The following PTPRK variants were observed in gnomAD, a reference collection of about 807,000 sequenced individuals.
PTPRK encodes the protein receptor-type tyrosine-protein phosphatase kappa.
PTPRK carries 75 observed loss-of-function variants against 178.0 expected under a neutral mutation model. That is an observed-to-expected ratio of 0.42 (90% CI 0.35 to 0.51). The LOEUF (loss-of-function observed/expected upper bound fraction) is 0.51, where lower values mean the gene tolerates loss of function less well. Ranked by LOEUF, PTPRK falls within the 20% of genes least tolerant of loss-of-function variation. The pLI, the probability that PTPRK is intolerant of heterozygous loss-of-function variation, is 0.02. For missense variants in PTPRK, 1,441 were observed against 1,797.8 expected (o/e 0.80, Z 3.59); for synonymous variants, 637 against 620.6 (o/e 1.03, Z -0.39).
At chr6:128,297,782 C>A (rs1824757706) in intron 3 of PTPRK, among the ~76,000 whole-genome samples, 1 of 151,920 alleles carries the variant, frequency 6.6e-6, no homozygotes, top group African/African-American at 2.4e-5. Context: ...AGGAAAGATC[C>A]AAAATTGACA....
At chr6:128,238,626 T>G in intron 5 of PTPRK, among the ~76,000 whole-genome samples, 1 of 152,208 alleles carries the variant, frequency 6.6e-6, no homozygotes, top group Non-Finnish European at 1.5e-5. Context: ...AACATATATC[T>G]AAAATCATTT....
chr6:128,240,004 C>T, intron 5 of PTPRK, 31 bp downstream of exon 5: 1 of 1,513,114 alleles, frequency 6.6e-7, no homozygotes, highest in Non-Finnish European at 9.2e-7. Context: ...ATAAAGTATA[C>T]TCTTTAGCTC....
chr6:128,255,499 G>A (rs977365877), intron 3 of PTPRK, among the ~76,000 whole-genome samples: 1 of 152,154 alleles, frequency 6.6e-6, no homozygotes. Context: ...TGATTTAGGA[G>A]GACTGAAAGA....
intron 1 of PTPRK, among the ~76,000 whole-genome samples, chr6:128,468,200 G>A (rs1332997053): frequency 6.6e-6 from 1 of 152,104 alleles, no homozygotes; most frequent in East Asian, 1.9e-4. Context: ...TGATGGAGAG[G>A]GCAACACTTT....
At chr6:128,218,456 A>G (rs1444192031) in intron 6 of PTPRK, among the ~76,000 whole-genome samples, 1 of 152,214 alleles carries the variant, frequency 6.6e-6, no homozygotes, top group Non-Finnish European at 1.5e-5. Context: ...CTAAGATTCT[A>G]TAAGAGACAT....
intron 1 of PTPRK, among the ~76,000 whole-genome samples, chr6:128,414,343 T>C (rs1842611257): frequency 6.6e-6 from 1 of 152,178 alleles, no homozygotes. Flanking sequence ...AGCGTCTCCA[T>C]CGCGGGACCC....
chr6:128,153,028 C>T (rs1195768032), intron 7 of PTPRK, among the ~76,000 whole-genome samples: 1 of 151,942 alleles, frequency 6.6e-6, no homozygotes, highest in Non-Finnish European at 1.5e-5. Flanking sequence ...TGTCATGTGT[C>T]TTCCACCTCT....
intron 1 of PTPRK, among the ~76,000 whole-genome samples, chr6:128,430,414 CCAAGT>C (rs1158486531): frequency 2.0e-5 from 3 of 152,126 alleles, no homozygotes; most frequent in African/African-American, 7.2e-5. Flanking sequence ...AGTTGTCCTC[CCAAGT>C]CATCTTTTGA....
chr6:128,298,042 A>C (rs1824814563), intron 3 of PTPRK, among the ~76,000 whole-genome samples: 1 of 151,990 alleles, frequency 6.6e-6, no homozygotes, highest in South Asian at 2.1e-4. Context: ...GATAAAGGGG[A>C]TATCACCTCT....
At chr6:128,226,716 TTTGTAAATAAAATCCTACTATATGTA>T (rs1169229275) in intron 5 of PTPRK, among the ~76,000 whole-genome samples, 1 of 148,266 alleles carries the variant, frequency 6.7e-6, no homozygotes, top group Non-Finnish European at 1.5e-5. Context: ...TCTCTTCAAT[TTTGTAAATAAAATCCTACTATATGTA>T]ATCTTATAAT....
At chr6:128,289,207 G>A (rs1283056257) in intron 3 of PTPRK, among the ~76,000 whole-genome samples, 1 of 152,098 alleles carries the variant, frequency 6.6e-6, no homozygotes, top group African/African-American at 2.4e-5. Flanking sequence ...GATTCTTAAA[G>A]ACTCTGACAT....
chr6:128,436,679 C>T (rs1319770328), intron 1 of PTPRK, among the ~76,000 whole-genome samples: 1 of 151,890 alleles, frequency 6.6e-6, no homozygotes, highest in Non-Finnish European at 1.5e-5. Context: ...GAAACAAAGG[C>T]ACAGAGTACC....
intron 1 of PTPRK, among the ~76,000 whole-genome samples, chr6:128,398,905 G>A (rs537224746): frequency 6.6e-6 from 1 of 152,198 alleles, no homozygotes; most frequent in Non-Finnish European, 1.5e-5. Flanking sequence ...AAAGTAGAAG[G>A]ATTATTTTTG....
chr6:128,397,758 G>T, intron 1 of PTPRK, 70 bp from the exon 2 acceptor site: 2 of 1,465,646 alleles, frequency 1.4e-6, no homozygotes, highest in Non-Finnish European at 1.9e-6. Context: ...TCTGGAGAAG[G>T]AAATGTTATA....
At position 128,468,224 on chromosome 6, in the gene PTPRK, G is replaced by A. The variant is rs181161854; in HGVS notation, c.100+52035C>T. On this transcript the variant is annotated intron_variant, in intron 1 of 29. Transcript: ENST00000368226. ...GGGCAACACTTTAACTGCTGATTGA[G>A]CCACCAGTACAAACGAATTTGGGGC... Among the ~76,000 whole-genome samples, 145 of 152,296 alleles carry A rather than the reference G, an allele frequency of 9.5e-4. 1 individual carries two copies. The highest frequency in any genetic ancestry group is 3.3e-3 in the African/African-American group (138 of 41,576).
At chr6:128,441,334 T>C (rs574670292) in intron 1 of PTPRK, among the ~76,000 whole-genome samples, 13 of 152,126 alleles carry the variant, frequency 8.5e-5, no homozygotes, top group South Asian at 8.3e-4. Flanking sequence ...TGAAAAAACA[T>C]GAAGTGAAAT....
intron 2 of PTPRK, among the ~76,000 whole-genome samples, chr6:128,354,146 T>C (rs4897254): frequency 0.97 from 147,111 of 151,374 alleles, 71,617 homozygotes; most frequent in East Asian, 1. Flanking sequence ...ATATTTTATG[T>C]CTCAGAAAAT....
chr6:128,444,099 C>G (rs1312667655), intron 1 of PTPRK, among the ~76,000 whole-genome samples: 1 of 152,166 alleles, frequency 6.6e-6, no homozygotes, highest in South Asian at 2.1e-4. Context: ...GATCCACCTG[C>G]CTCGGCTTCC....
chr6:128,113,440 G>A (rs1790993553), intron 7 of PTPRK, among the ~76,000 whole-genome samples: 1 of 150,354 alleles, frequency 6.7e-6, no homozygotes, highest in Non-Finnish European at 1.5e-5. Context: ...TGCAGGTTCT[G>A]CATCTACAGA....
Sources: gnomAD v4.1 joint callset for allele counts (sites outside exome capture counted in the v4.1 genomes callset) on GRCh38, gnomAD v4.1.1 for gene constraint, MANE v1.5 for transcripts, NCBI Gene and HGNC (gene_info 2026-07-23, HGNC 2026-07-21) for gene names.